The following SMPD3 variants were observed in gnomAD, a reference collection of about 807,000 sequenced individuals.
SMPD3 encodes the protein sphingomyelin phosphodiesterase 3.
SMPD3 carries 21 observed loss-of-function variants against 55.7 expected under a neutral mutation model. The observed-to-expected ratio is 0.38, with a 90% CI of 0.27 to 0.54. The LOEUF is 0.54. Ranked by LOEUF, SMPD3 falls within the 20% of genes least tolerant of loss-of-function variation. The pLI is 0.80. For missense variants in SMPD3, 842 were observed against 899.6 expected, an observed-to-expected ratio of 0.94 and a Z score of 0.82; for synonymous variants, 457 against 404.3, an observed-to-expected ratio of 1.13 and a Z score of -1.56.
In SMPD3 at chr16:68,447,232, G is replaced by T. The variant is rs201423589; in HGVS notation, c.-269+1121C>A. Among the ~76,000 whole-genome samples the T allele has an allele frequency of 2.8e-4, 43 of 152,154 alleles. No homozygotes were observed. The highest frequency in any genetic ancestry group is 5.1e-4 in the Non-Finnish European group (35 of 68,012). On this transcript the variant is annotated intron_variant, in intron 1 of 8. Transcript: ENST00000219334. This position sits in a 1 kb window ranked among gnomAD's most constrained non-coding sequence, Gnocchi z 5.1. The stretch of plus-strand genomic sequence containing the variant: ...CCGCGCGTCCTGGAAGCAGGTCCCC[G>T]AGCCTCGGTTTGGGGTGCGCCCTGC...
At chr16:68,361,441 G>A in intron 8 of SMPD3, 134 bp from the exon 9 acceptor site, 1 of 1,357,226 alleles carries the variant, frequency 7.4e-7, no homozygotes, top group South Asian at 1.3e-5. Context: ...CAGAGGGATG[G>A]GGCCTGGAGG....
intron 1 of SMPD3, among the ~76,000 whole-genome samples, chr16:68,392,835 G>GAAAAAAAAAAAAAAAAAAAAAAAGA (rs60841057): frequency 1.1e-5 from 1 of 88,292 alleles, no homozygotes. Flanking sequence ...CGCTGTCTGG[G>GAAAAAAAAAAAAAAAAAAAAAAAGA]AAAAAAAAAA....
chr16:68,409,847 T>C (rs903955928), intron 1 of SMPD3, among the ~76,000 whole-genome samples: 5 of 152,174 alleles, frequency 3.3e-5, no homozygotes, highest in Non-Finnish European at 7.4e-5. Context: ...CCGCCTCAGC[T>C]TCCCAAAGTG....
At chr16:68,374,699 C>T (rs1191627496) in intron 2 of SMPD3, among the ~76,000 whole-genome samples, 1 of 152,206 alleles carries the variant, frequency 6.6e-6, no homozygotes, top group African/African-American at 2.4e-5. Flanking sequence ...CGACAGCCCA[C>T]TCACTCTCCC....
chr16:68,365,211 G>GT, intron 3 of SMPD3, 119 bp from the exon 4 acceptor site: 1 of 978,746 alleles, frequency 1.0e-6, no homozygotes, highest in Non-Finnish European at 1.6e-6. Flanking sequence ...GCTCCTGGCT[G>GT]GATTCTGGGG....
chr16:68,370,734 G>GCCTCCCACTCCAA, intron 3 of SMPD3, 125 bp downstream of exon 3: 2 of 1,281,508 alleles, frequency 1.6e-6, no homozygotes, highest in Admixed American at 2.3e-5. Context: ...GACCGCGTCT[G>GCCTCCCACTCCAA]CCTCCCACTC....
chr16:68,375,467 C>T (rs1055656472), intron 2 of SMPD3, among the ~76,000 whole-genome samples: 2 of 152,182 alleles, frequency 1.3e-5, no homozygotes, highest in African/African-American at 4.8e-5. Flanking sequence ...GGCCACAGCT[C>T]CCTCATGGGT....
At chr16:68,392,016 C>T (rs765504009) in intron 1 of SMPD3, among the ~76,000 whole-genome samples, 15 of 151,956 alleles carry the variant, frequency 9.9e-5, no homozygotes, top group Non-Finnish European at 1.8e-4. Context: ...CTCAGCCTCC[C>T]GAGTAGGTGG....
At chr16:68,434,301 C>T (rs979515172) in intron 1 of SMPD3, among the ~76,000 whole-genome samples, 9 of 152,300 alleles carry the variant, frequency 5.9e-5, no homozygotes, top group South Asian at 4.1e-4. Flanking sequence ...GTATTTCTAA[C>T]GGTAACAAAT....
intron 1 of SMPD3, among the ~76,000 whole-genome samples, chr16:68,446,484 TACACACAC>T (rs3978672): frequency 4.7e-4 from 67 of 143,866 alleles, no homozygotes; most frequent in East Asian, 3.7e-3. Context: ...GTGGTTCATC[TACACACAC>T]ACACACACAC....
intron 1 of SMPD3, among the ~76,000 whole-genome samples, chr16:68,408,159 T>C (rs1186953693): frequency 6.6e-6 from 1 of 152,168 alleles, no homozygotes. Flanking sequence ...GCTACTAAAA[T>C]GAACAAAGTA....
chr16:68,400,463 A>G (rs2090196178), intron 1 of SMPD3, among the ~76,000 whole-genome samples: 1 of 152,194 alleles, frequency 6.6e-6, no homozygotes, highest in Non-Finnish European at 1.5e-5. Flanking sequence ...TCCTAATTCA[A>G]TATGGTTGTT....
At chr16:68,362,932 G>A (rs1041746350) in intron 7 of SMPD3, among the ~76,000 whole-genome samples, 2 of 152,202 alleles carry the variant, frequency 1.3e-5, no homozygotes, top group Non-Finnish European at 2.9e-5. Context: ...CGCTGTGACT[G>A]CAGTCTCGGG....
intron 1 of SMPD3, among the ~76,000 whole-genome samples, chr16:68,445,265 G>A (rs1478417369): frequency 3.3e-5 from 5 of 152,220 alleles, no homozygotes; most frequent in Non-Finnish European, 7.3e-5. Flanking sequence ...GTGGAACAGG[G>A]AAAGAGGAGA....
At chr16:68,434,455 A>G (rs2090505113) in intron 1 of SMPD3, among the ~76,000 whole-genome samples, 1 of 152,140 alleles carries the variant, frequency 6.6e-6, no homozygotes. Context: ...GCTTTGTCTG[A>G]TATAGCCACT....
At chr16:68,432,863 G>A (rs1293295712) in intron 1 of SMPD3, among the ~76,000 whole-genome samples, 1 of 152,014 alleles carries the variant, frequency 6.6e-6, no homozygotes. Flanking sequence ...GGAGTGCAGT[G>A]GTGCGATTAT....
chr16:68,377,968 T>C (rs185849778), intron 2 of SMPD3, among the ~76,000 whole-genome samples: 57 of 152,176 alleles, frequency 3.7e-4, no homozygotes, highest in African/African-American at 1.4e-3. Flanking sequence ...GAAAATTGAG[T>C]AGGTTTGGGA....
At position 68,366,173 on chromosome 16, in the gene SMPD3, C is replaced by T. The variant is rs144959200; in HGVS notation, c.1324-1081G>A. ...CAGTTGTTGGCTGAGGGCAGAGGGC[C>T]GCAGGGTGGGTGCCCCACATCTGTG... is the stretch of plus-strand genomic sequence containing the variant. On this transcript the variant is annotated intron_variant, in intron 3 of 8. Coordinates refer to ENST00000219334, the MANE Select transcript of SMPD3 (RefSeq NM_018667.4). Among the ~76,000 whole-genome samples, 32 of 152,350 alleles carry T rather than the reference C, an allele frequency of 2.1e-4. No homozygotes were observed. In the East Asian group the frequency reaches 6.0e-3, roughly 28 times the overall value.
At chr16:68,384,975 A>C (rs911001909) in intron 2 of SMPD3, among the ~76,000 whole-genome samples, 3 of 152,068 alleles carry the variant, frequency 2.0e-5, no homozygotes, top group Non-Finnish European at 4.4e-5. Context: ...TGAAGCGGGG[A>C]CACAGCTATG....
Sources: gnomAD v4.1 joint callset for allele counts (sites outside exome capture counted in the v4.1 genomes callset) on GRCh38, gnomAD v4.1.1 for gene constraint, Gnocchi (gnomAD v3.1) non-coding constraint, MANE v1.5 for transcripts, NCBI Gene and HGNC (gene_info 2026-07-23, HGNC 2026-07-21) for gene names.